ALK: variants seen among roughly 807,000 people sequenced by gnomAD.
ALK encodes ALK tyrosine kinase receptor.
Under a neutral mutation model 163.1 loss-of-function variants are expected in ALK, and 74 were observed. That is an observed-to-expected ratio of 0.45 (90% CI 0.38 to 0.55). The LOEUF (loss-of-function observed/expected upper bound fraction) is 0.55. Ranked by LOEUF, ALK falls within the 20% of genes least tolerant of loss-of-function variation. ALK has a pLI of 0.00. For missense variants in ALK, 2,063 were observed against 2,105.3 expected (o/e 0.98, Z 0.39); for synonymous variants, 960 against 843.2 (o/e 1.14, Z -2.40).
chr2:29,197,964 C>T (rs1669066317), intron 26 of ALK, among the ~76,000 whole-genome samples: 1 of 152,050 alleles, frequency 6.6e-6, no homozygotes, highest in Admixed American at 6.5e-5. Context: ...CTTGACTTTT[C>T]TGCACATTTC....
At chr2:29,560,497 G>A (rs1332187090) in intron 3 of ALK, among the ~76,000 whole-genome samples, 1 of 152,146 alleles carries the variant, frequency 6.6e-6, no homozygotes, top group Non-Finnish European at 1.5e-5. Context: ...TTTAAAATTA[G>A]ATTGTGGTGA....
At chr2:29,508,891 C>T (rs540630334) in intron 4 of ALK, among the ~76,000 whole-genome samples, 5 of 151,950 alleles carry the variant, frequency 3.3e-5, no homozygotes, top group Admixed American at 6.6e-5. Flanking sequence ...GTCTCCCAAG[C>T]GTGCCCAGTC....
At chr2:29,845,437 G>T (rs903215571) in intron 1 of ALK, among the ~76,000 whole-genome samples, 27 of 30,680 alleles carry the variant, frequency 8.8e-4, no homozygotes, top group Non-Finnish European at 1.7e-3. Flanking sequence ...AACCTTTAAC[G>T]ACATTTTTTT....
At chr2:29,867,711 G>A (rs1340642551) in intron 1 of ALK, among the ~76,000 whole-genome samples, 4 of 152,218 alleles carry the variant, frequency 2.6e-5, no homozygotes, top group African/African-American at 9.6e-5. Context: ...TTCCAAGCTT[G>A]AGCACCCTTG....
chr2:29,724,627 A>G (rs2148312855), intron 1 of ALK, among the ~76,000 whole-genome samples: 1 of 152,318 alleles, frequency 6.6e-6, no homozygotes, highest in South Asian at 2.1e-4. Flanking sequence ...CAGATGCACC[A>G]TTTGTCCTAA....
intron 4 of ALK, among the ~76,000 whole-genome samples, chr2:29,498,945 C>T (rs1362660972): frequency 3.3e-5 from 5 of 152,090 alleles, no homozygotes; most frequent in Admixed American, 1.3e-4. Context: ...ATCACCTACT[C>T]CAAACACTCC....
At chr2:29,223,580 C>A (rs1025614032) in intron 19 of ALK, 52 bp from the exon 20 acceptor site, 2 of 1,587,306 alleles carry the variant, frequency 1.3e-6, no homozygotes, top group Non-Finnish European at 1.7e-6. Flanking sequence ...GCCCTTGAAG[C>A]ACTACACAGG....
At chr2:29,301,395 T>C (rs1393585290) in intron 8 of ALK, among the ~76,000 whole-genome samples, 1 of 152,230 alleles carries the variant, frequency 6.6e-6, no homozygotes, top group African/African-American at 2.4e-5. Flanking sequence ...GACTGTCTTA[T>C]TCATCTTATG....
At chr2:29,661,308 C>T (rs1246268867) in intron 3 of ALK, among the ~76,000 whole-genome samples, 1 of 152,138 alleles carries the variant, frequency 6.6e-6, no homozygotes, top group Non-Finnish European at 1.5e-5. Context: ...TGCTTCTCCT[C>T]TCTACCTAGT....
At chr2:29,424,726 G>A (rs1049944139) in intron 4 of ALK, among the ~76,000 whole-genome samples, 4 of 152,180 alleles carry the variant, frequency 2.6e-5, no homozygotes, top group Admixed American at 6.5e-5. Flanking sequence ...GAGACACAAC[G>A]GCAGCCTGAT....
In ALK at chr2:29,317,132, T is replaced by A. The variant is rs183646927; in HGVS notation, c.1647+1172A>T. Reference sequence around the variant, plus strand: ...CAGGGGCAATCCTGTTGTCTGTCCCTCTGCTGGCCACAGAACCACCACCCT... The same window carrying A: ...CAGGGGCAATCCTGTTGTCTGTCCCACTGCTGGCCACAGAACCACCACCCT... On this transcript the variant is annotated intron_variant, in intron 8 of 28. Transcript: ENST00000389048. 3.3e-5 allele frequency among the ~76,000 whole-genome samples: 5 copies of A among 152,352 alleles called. No homozygotes were observed. The East Asian group carries it at 9.6e-4, about 29-fold the overall frequency.
At chr2:29,850,458 T>A (rs1437827418) in intron 1 of ALK, among the ~76,000 whole-genome samples, 1 of 152,210 alleles carries the variant, frequency 6.6e-6, no homozygotes, top group Non-Finnish European at 1.5e-5. Flanking sequence ...ATTGTTATAC[T>A]TCTATAAAAA....
intron 11 of ALK, 135 bp downstream of exon 11, chr2:29,274,964 A>T: frequency 8.6e-7 from 1 of 1,166,318 alleles, no homozygotes; most frequent in Non-Finnish European, 1.3e-6. Flanking sequence ...CCATAGTCAG[A>T]GTGTAGGTGA....
chr2:29,236,803 C>T (rs914505358), intron 13 of ALK, among the ~76,000 whole-genome samples: 5 of 152,132 alleles, frequency 3.3e-5, no homozygotes, highest in African/African-American at 7.2e-5. Flanking sequence ...CTTCTCTATC[C>T]GTATTGCATC....
intron 5 of ALK, among the ~76,000 whole-genome samples, chr2:29,377,772 G>A (rs1668792595): frequency 6.6e-6 from 1 of 152,190 alleles, no homozygotes; most frequent in Non-Finnish European, 1.5e-5. Flanking sequence ...GGGGACATGT[G>A]TTTCAAGGTA....
At chr2:29,254,945 G>C (rs187050764) in intron 11 of ALK, among the ~76,000 whole-genome samples, 60 of 152,284 alleles carry the variant, frequency 3.9e-4, no homozygotes, top group African/African-American at 1.4e-3. Context: ...ATTTTGTTTT[G>C]ATTTTCAGTG....
At chr2:29,270,229 G>C (rs1665346618) in intron 11 of ALK, among the ~76,000 whole-genome samples, 1 of 152,254 alleles carries the variant, frequency 6.6e-6, no homozygotes, top group African/African-American at 2.4e-5. Flanking sequence ...ATGTTATCTG[G>C]CTTAGAAATT....
intron 1 of ALK, among the ~76,000 whole-genome samples, chr2:29,802,313 G>C (rs1223922841): frequency 1.0e-5 from 1 of 99,330 alleles, no homozygotes; most frequent in East Asian, 3.5e-4. Context: ...GGAGGGAAGG[G>C]GATGGGAGGG....
At chr2:29,277,605 A>G (rs1043507319) in intron 9 of ALK, among the ~76,000 whole-genome samples, 3 of 152,264 alleles carry the variant, frequency 2.0e-5, no homozygotes, top group African/African-American at 7.2e-5. Context: ...CGTGGCCAGC[A>G]TCACTGGGGT....
Sources: gnomAD v4.1 joint callset for allele counts (sites outside exome capture counted in the v4.1 genomes callset) on GRCh38, gnomAD v4.1.1 for gene constraint, MANE v1.5 for transcripts, NCBI Gene and HGNC (gene_info 2026-07-23, HGNC 2026-07-21) for gene names.